Variants in GALNT14 observed in about 807,000 individuals in gnomAD.
The protein encoded by GALNT14 is UDP-GalNAc:polypeptide N-acetylgalactosaminyltransferase 14.
A neutral mutation model predicts 77.5 loss-of-function variants in GALNT14; 60 were observed. The ratio of observed to expected loss-of-function variants is 0.77; its 90% CI spans 0.63 to 0.96. The LOEUF (loss-of-function observed/expected upper bound fraction) is 0.96. GALNT14 is among the 40% of genes least tolerant of loss of function. The pLI is 0.00. For missense variants in GALNT14, 710 were observed against 731.0 expected, an observed-to-expected ratio of 0.97 and a Z score of 0.33; for synonymous variants, 280 against 281.7, an observed-to-expected ratio of 0.99 and a Z score of 0.06.
intron 2 of GALNT14, among the ~76,000 whole-genome samples, chr2:30,980,538 C>T (rs1300302279): frequency 1.3e-5 from 2 of 152,216 alleles, no homozygotes; most frequent in African/African-American, 4.8e-5. Context: ...TTATTATTCC[C>T]ATTTTACAGA....
chr2:30,982,748 G>A (rs1669063693), intron 2 of GALNT14, among the ~76,000 whole-genome samples: 1 of 152,120 alleles, frequency 6.6e-6, no homozygotes, highest in African/African-American at 2.4e-5. Flanking sequence ...TGTTCTCTTT[G>A]GAAAAATTCT....
intron 1 of GALNT14, among the ~76,000 whole-genome samples, chr2:31,042,313 A>G (rs558695944): frequency 6.6e-6 from 1 of 152,344 alleles, no homozygotes; most frequent in South Asian, 2.1e-4. Context: ...AGTAAAGCAT[A>G]TCTATGTATG....
chr2:31,137,459 C>G (rs1319016332), intron 1 of GALNT14, among the ~76,000 whole-genome samples: 1 of 152,226 alleles, frequency 6.6e-6, no homozygotes, highest in East Asian at 1.9e-4. Context: ...TGGCAGCCGC[C>G]CGGGAGGCTG....
chr2:30,952,872 C>T (rs1379401464), intron 6 of GALNT14, among the ~76,000 whole-genome samples: 2 of 152,046 alleles, frequency 1.3e-5, no homozygotes, highest in Non-Finnish European at 2.9e-5. Context: ...TAAGGTAAGT[C>T]GCAGCCTACT....
intron 1 of GALNT14, among the ~76,000 whole-genome samples, chr2:31,017,050 C>G (rs1233016379): frequency 6.6e-6 from 1 of 152,252 alleles, no homozygotes; most frequent in African/African-American, 2.4e-5. Context: ...AAGCAAGGGT[C>G]TCAAAGCTAG....
intron 3 of GALNT14, among the ~76,000 whole-genome samples, chr2:30,962,678 G>C (rs1288786351): frequency 6.6e-6 from 1 of 152,182 alleles, no homozygotes; most frequent in Non-Finnish European, 1.5e-5. Flanking sequence ...ACCTGGCTCT[G>C]AGTTCCCCAC....
At chr2:31,064,535 G>A (rs2148548343) in intron 1 of GALNT14, among the ~76,000 whole-genome samples, 1 of 152,266 alleles carries the variant, frequency 6.6e-6, no homozygotes, top group African/African-American at 2.4e-5. Flanking sequence ...GGAAACATTT[G>A]AAAATGAACA....
At chr2:30,966,842 G>C (rs1295725328) in intron 2 of GALNT14, among the ~76,000 whole-genome samples, 1 of 152,200 alleles carries the variant, frequency 6.6e-6, no homozygotes. Context: ...CCTGGTATAA[G>C]TGATAAAACC....
intron 1 of GALNT14, among the ~76,000 whole-genome samples, chr2:31,090,249 T>A (rs1305806416): frequency 6.6e-6 from 1 of 152,020 alleles, no homozygotes; most frequent in Non-Finnish European, 1.5e-5. Context: ...ACCACCCTAC[T>A]CTCACCTTCT....
At chr2:31,101,334 G>C (rs1251247684) in intron 1 of GALNT14, among the ~76,000 whole-genome samples, 1 of 152,006 alleles carries the variant, frequency 6.6e-6, no homozygotes, top group African/African-American at 2.4e-5. Context: ...ATATTCATAA[G>C]TGGGATTAGT....
the GALNT14 span, among the ~76,000 whole-genome samples, chr2:30,889,052 G>A: frequency 6.6e-6 from 1 of 152,100 alleles, no homozygotes; most frequent in Non-Finnish European, 1.5e-5. Flanking sequence ...AAGCCTGGGA[G>A]TAGGACTCCT....
chr2:31,137,403 A>G (rs1470548114), intron 1 of GALNT14, among the ~76,000 whole-genome samples: 1 of 152,160 alleles, frequency 6.6e-6, no homozygotes, highest in Non-Finnish European at 1.5e-5. Context: ...GGCACATTCA[A>G]CTTCCAATGC....
chr2:30,918,847 T>G (rs1572964398), intron 13 of GALNT14, among the ~76,000 whole-genome samples: 1 of 132,912 alleles, frequency 7.5e-6, no homozygotes, highest in Non-Finnish European at 1.6e-5. Context: ...GCAGGGAAGG[T>G]GGCATCAGGC....
Position 30,924,733 on chromosome 2 carries a change from C to A in GALNT14, c.1235+7G>T. ...CCAGCCAAAGCTCCAACAGGTAGGA[C>A]GGATACCTGAGTTCAGGGTAGATAT... On this transcript the variant is annotated splice_region_variant and intron_variant, in intron 12 of 14. Coordinates refer to ENST00000349752, the MANE Select transcript of GALNT14 (RefSeq NM_024572.4). 6.2e-7 allele frequency: 1 copy of A among 1,612,560 alleles called. No individual in the cohort carries two copies. The highest frequency in any genetic ancestry group is 8.5e-7 in the Non-Finnish European group (1 of 1,178,676).
At chr2:31,021,068 GGA>G (rs1267332633) in intron 1 of GALNT14, among the ~76,000 whole-genome samples, 2 of 152,240 alleles carry the variant, frequency 1.3e-5, no homozygotes, top group African/African-American at 4.8e-5. Context: ...AGGGAAGGCA[GGA>G]GCACAAATGC....
intron 1 of GALNT14, among the ~76,000 whole-genome samples, chr2:31,079,588 C>G (rs1056104695): frequency 2.0e-5 from 3 of 152,162 alleles, no homozygotes; most frequent in African/African-American, 7.2e-5. Context: ...TCCTGCCCAG[C>G]CTGCTGCCAC....
At chr2:30,985,150 GTGAA>G (rs58766997) in intron 2 of GALNT14, among the ~76,000 whole-genome samples, 7 of 151,304 alleles carry the variant, frequency 4.6e-5, no homozygotes, top group Admixed American at 6.6e-5. Context: ...AAATGAGTGA[GTGAA>G]TGAATGAATG....
chr2:31,086,563 A>G (rs908372558), intron 1 of GALNT14, among the ~76,000 whole-genome samples: 1 of 152,210 alleles, frequency 6.6e-6, no homozygotes, highest in Non-Finnish European at 1.5e-5. Context: ...TCAGTGTGAA[A>G]AAAAAAAACC....
chr2:31,071,127 A>G (rs540510342), intron 1 of GALNT14, among the ~76,000 whole-genome samples: 18 of 152,320 alleles, frequency 1.2e-4, no homozygotes, highest in African/African-American at 4.3e-4. Context: ...TAAGGGATAA[A>G]AGACTACAAA....
Sources: gnomAD v4.1 joint callset for allele counts (sites outside exome capture counted in the v4.1 genomes callset) on GRCh38, gnomAD v4.1.1 for gene constraint, MANE v1.5 for transcripts, NCBI Gene and HGNC (gene_info 2026-07-23, HGNC 2026-07-21) for gene names.